The following CAMTA1 variants were observed in gnomAD, a reference collection of about 807,000 sequenced individuals.
CAMTA1 encodes the protein calmodulin binding transcription activator 1.
CAMTA1 carries 27 observed loss-of-function variants against 170.9 expected under a neutral mutation model. The observed-to-expected ratio is 0.16, with a 90% confidence interval of 0.12 to 0.22. The LOEUF is 0.22. CAMTA1 is among the 10% of genes least tolerant of loss of function. The pLI is 1.00. For missense variants in CAMTA1, 1,619 were observed against 2,217.2 expected, an observed-to-expected ratio of 0.73 and a Z score of 5.42; for synonymous variants, 833 against 891.5, an observed-to-expected ratio of 0.93 and a Z score of 1.17.
chr1:7,765,775 C>G (rs1042138501), intron 22 of CAMTA1, among the ~76,000 whole-genome samples: 5 of 152,136 alleles, frequency 3.3e-5, no homozygotes, highest in South Asian at 2.1e-4. Flanking sequence ...CGCCTGTAAT[C>G]CCAGCACTTT....
intron 6 of CAMTA1, among the ~76,000 whole-genome samples, chr1:7,587,684 T>G (rs2095322699): frequency 6.6e-6 from 1 of 152,070 alleles, no homozygotes; most frequent in African/African-American, 2.4e-5. Flanking sequence ...TGTTTAGAGA[T>G]GAGAACCTCA....
intron 4 of CAMTA1, among the ~76,000 whole-genome samples, chr1:7,203,980 C>T (rs1436044030): frequency 2.7e-5 from 4 of 150,836 alleles, no homozygotes; most frequent in Non-Finnish European, 5.9e-5. Flanking sequence ...TACAGGCGCC[C>T]GCCACCATGC....
chr1:7,253,614 C>T (rs1243219702), intron 5 of CAMTA1, among the ~76,000 whole-genome samples: 1 of 152,158 alleles, frequency 6.6e-6, no homozygotes, highest in Non-Finnish European at 1.5e-5. Context: ...ATAAACACAT[C>T]CATGCAAAGT....
intron 11 of CAMTA1, among the ~76,000 whole-genome samples, chr1:7,730,938 A>C (rs1444688135): frequency 4.7e-5 from 7 of 150,012 alleles, no homozygotes; most frequent in South Asian, 2.1e-4. Flanking sequence ...CTATATATAT[A>C]TATATATATT....
intron 3 of CAMTA1, among the ~76,000 whole-genome samples, chr1:6,945,420 C>G (rs1015270975): frequency 3.9e-5 from 6 of 152,262 alleles, no homozygotes; most frequent in African/African-American, 1.2e-4. Flanking sequence ...ACAATCACGG[C>G]TCACTGCAGT....
chr1:7,693,395 A>G (rs528960540), intron 11 of CAMTA1: 25 of 152,324 alleles, frequency 1.6e-4, no homozygotes, highest in African/African-American at 5.3e-4. Flanking sequence ...GAAATTCAAG[A>G]TGAGATTTGG....
intron 3 of CAMTA1, among the ~76,000 whole-genome samples, chr1:7,087,894 C>T (rs2148098135): frequency 6.6e-6 from 1 of 152,282 alleles, no homozygotes; most frequent in East Asian, 1.9e-4. Context: ...CATTTAGCAC[C>T]AAATACTTTG....
chr1:6,949,924 G>A (rs766849109), intron 3 of CAMTA1, among the ~76,000 whole-genome samples: 10 of 152,234 alleles, frequency 6.6e-5, no homozygotes, highest in Non-Finnish European at 1.3e-4. Flanking sequence ...CATGGGACAG[G>A]AAAAGGCACT....
intron 6 of CAMTA1, among the ~76,000 whole-genome samples, chr1:7,531,575 C>T (rs376973218): frequency 6.6e-6 from 1 of 152,236 alleles, no homozygotes; most frequent in African/African-American, 2.4e-5. Context: ...TGGCCCACTA[C>T]GGGTCTCAGA....
chr1:7,459,407 G>A (rs2093032426), intron 5 of CAMTA1, among the ~76,000 whole-genome samples: 1 of 152,164 alleles, frequency 6.6e-6, no homozygotes, highest in South Asian at 2.1e-4. Flanking sequence ...GGAGCAATAG[G>A]GCTGCTTGGT....
chr1:7,085,326 T>A (rs753246670), intron 3 of CAMTA1, among the ~76,000 whole-genome samples: 44 of 152,210 alleles, frequency 2.9e-4, no homozygotes, highest in Non-Finnish European at 5.1e-4. Context: ...CATGGGAGCC[T>A]CAGGCATGGG....
intron 3 of CAMTA1, among the ~76,000 whole-genome samples, chr1:6,830,204 T>A (rs914090783): frequency 6.6e-6 from 1 of 151,220 alleles, no homozygotes; most frequent in Non-Finnish European, 1.5e-5. Flanking sequence ...GCCGGGCTAG[T>A]TTTTTATATT....
intron 5 of CAMTA1, among the ~76,000 whole-genome samples, chr1:7,355,917 T>G (rs1366179574): frequency 6.6e-6 from 1 of 152,264 alleles, no homozygotes; most frequent in East Asian, 1.9e-4. Flanking sequence ...TTTCAATAGC[T>G]GGATCCACTC....
At chr1:6,835,449 G>A (rs1172102153) in intron 3 of CAMTA1, among the ~76,000 whole-genome samples, 2 of 152,182 alleles carry the variant, frequency 1.3e-5, no homozygotes, top group Admixed American at 6.5e-5. Context: ...AAGAATATAC[G>A]GAGAGGCTGG....
chr1:7,461,989 G>T (rs1390138390), intron 5 of CAMTA1, among the ~76,000 whole-genome samples: 1 of 152,232 alleles, frequency 6.6e-6, no homozygotes, highest in East Asian at 1.9e-4. Context: ...CACATATTGA[G>T]CACCTGCTAT....
chr1:6,886,458 G>C (rs1571382049), intron 3 of CAMTA1: 2 of 364,962 alleles, frequency 5.5e-6, no homozygotes, highest in East Asian at 1.5e-4. Context: ...TGTCACTCGT[G>C]CTTTCCTTGT....
intron 6 of CAMTA1, among the ~76,000 whole-genome samples, chr1:7,614,919 C>T (rs1299932922): frequency 6.6e-6 from 1 of 152,246 alleles, no homozygotes; most frequent in Non-Finnish European, 1.5e-5. Context: ...GTACAGGGGT[C>T]TCCTGTTCAG....
At chr1:7,032,404 C>G (rs1481276904) in intron 3 of CAMTA1, among the ~76,000 whole-genome samples, 3 of 152,128 alleles carry the variant, frequency 2.0e-5, no homozygotes, top group African/African-American at 7.2e-5. Flanking sequence ...CCATCTTTGA[C>G]TTATCATAGT....
At chr1:7,358,240 T>G (rs1485989553) in intron 5 of CAMTA1, among the ~76,000 whole-genome samples, 1 of 152,248 alleles carries the variant, frequency 6.6e-6, no homozygotes, top group African/African-American at 2.4e-5. Context: ...TCGGTTGCTT[T>G]TCTGAATCTG....
Sources: gnomAD v4.1 joint callset for allele counts (sites outside exome capture counted in the v4.1 genomes callset) on GRCh38, gnomAD v4.1.1 for gene constraint, MANE v1.5 for transcripts, NCBI Gene and HGNC (gene_info 2026-07-23, HGNC 2026-07-21) for gene names.